The following MYO9A variants were observed in gnomAD, a reference collection of about 807,000 sequenced individuals.
MYO9A encodes myosin IXA.
A neutral mutation model predicts 293.3 loss-of-function variants in MYO9A; 103 were observed. That is an observed-to-expected ratio of 0.35 (90% confidence interval 0.30 to 0.41). The LOEUF (loss-of-function observed/expected upper bound fraction) is 0.41, where lower values mean the gene tolerates loss of function less well. Among genes scored for constraint, MYO9A ranks in the 10% least tolerant of loss-of-function variants. MYO9A has a pLI of 1.00. For missense variants in MYO9A, 2,685 were observed against 3,033.0 expected (o/e 0.89, Z 2.69); for synonymous variants, 1,001 against 1,035.7 (o/e 0.97, Z 0.64).
chr15:71,906,716 G>C (rs535792024), intron 19 of MYO9A, among the ~76,000 whole-genome samples: 7 of 135,702 alleles, frequency 5.2e-5, no homozygotes, highest in African/African-American at 1.6e-4. Flanking sequence ...ATAACATACA[G>C]TTAGGTCTTA....
chr15:71,920,919 G>A (rs1464118009), intron 18 of MYO9A, among the ~76,000 whole-genome samples: 1 of 152,166 alleles, frequency 6.6e-6, no homozygotes, highest in Non-Finnish European at 1.5e-5. Flanking sequence ...TCCAGCCTAG[G>A]TGACAGAGTG....
At chr15:71,907,640 C>G (rs1367212891) in intron 19 of MYO9A, among the ~76,000 whole-genome samples, 1 of 149,530 alleles carries the variant, frequency 6.7e-6, no homozygotes, top group Admixed American at 6.7e-5. Flanking sequence ...GCCATTCTAA[C>G]TGGTGTGAGA....
intron 8 of MYO9A, among the ~76,000 whole-genome samples, chr15:72,006,346 C>G (rs1033436594): frequency 6.6e-6 from 1 of 152,172 alleles, no homozygotes; most frequent in African/African-American, 2.4e-5. Flanking sequence ...AGCAACTCAC[C>G]TGCCTCAGCC....
chr15:72,114,941 A>G (rs1474320810), intron 1 of MYO9A, among the ~76,000 whole-genome samples: 1 of 152,216 alleles, frequency 6.6e-6, no homozygotes, highest in African/African-American at 2.4e-5. Flanking sequence ...AGACTGAACA[A>G]ACTTCCACAT....
Position 72,070,051 on chromosome 15 carries a change from C to G in MYO9A, c.-71-23417G>C, listed in dbSNP as rs2079139233. 3.3e-5 allele frequency among the ~76,000 whole-genome samples: 5 copies of G among 149,974 alleles called. No homozygotes were observed. In the South Asian group the frequency reaches 1.1e-3, roughly 32 times the overall value. Reference sequence around the variant, plus strand: ...GGCTGAGGCAGGGGAATCACTTGAACCCGGGAGGCAGAGGTTGCAGTGAGC... The same window carrying G: ...GGCTGAGGCAGGGGAATCACTTGAAGCCGGGAGGCAGAGGTTGCAGTGAGC... On this transcript the variant is annotated intron_variant, in intron 1 of 41. Coordinates refer to ENST00000356056, the MANE Select transcript of MYO9A (RefSeq NM_006901.4).
chr15:71,974,499 T>A (rs547595894), intron 12 of MYO9A, among the ~76,000 whole-genome samples: 8 of 152,312 alleles, frequency 5.3e-5, no homozygotes, highest in Admixed American at 5.2e-4. Flanking sequence ...CTATAATTTT[T>A]TTCTTCCCCA....
intron 6 of MYO9A, among the ~76,000 whole-genome samples, chr15:72,016,854 G>A (rs1001662796): frequency 6.6e-6 from 1 of 151,952 alleles, no homozygotes; most frequent in Non-Finnish European, 1.5e-5. Flanking sequence ...CATTCACTAT[G>A]CACTTACTAA....
At chr15:72,000,331 G>A (rs2076827813) in intron 8 of MYO9A, among the ~76,000 whole-genome samples, 1 of 152,168 alleles carries the variant, frequency 6.6e-6, no homozygotes, top group African/African-American at 2.4e-5. Context: ...TTATGTTTCA[G>A]ATATTTCTTC....
At chr15:72,030,954 G>A (rs1418286061) in intron 3 of MYO9A, among the ~76,000 whole-genome samples, 1 of 152,188 alleles carries the variant, frequency 6.6e-6, no homozygotes. Flanking sequence ...CGCAGCAGGA[G>A]GTAAGCGGCC....
chr15:71,847,273 G>A (rs2055428335), intron 39 of MYO9A: 1 of 308,980 alleles, frequency 3.2e-6, no homozygotes, highest in Admixed American at 2.9e-5. Flanking sequence ...GCAAGTGAAA[G>A]GTAATCAAAA....
intron 19 of MYO9A, among the ~76,000 whole-genome samples, chr15:71,910,812 G>A (rs1469160079): frequency 6.6e-6 from 1 of 151,968 alleles, no homozygotes; most frequent in African/African-American, 2.4e-5. Flanking sequence ...TGTCTATTAG[G>A]TTTTCTTCCT....
At chr15:71,864,309 T>A (rs1042652984) in intron 32 of MYO9A, among the ~76,000 whole-genome samples, 3 of 152,150 alleles carry the variant, frequency 2.0e-5, no homozygotes, top group Non-Finnish European at 4.4e-5. Context: ...AGAATGGCTA[T>A]AACAAAAAAG....
intron 2 of MYO9A, among the ~76,000 whole-genome samples, chr15:72,043,933 C>CT (rs3028362): frequency 7.8e-5 from 11 of 140,588 alleles, no homozygotes; most frequent in African/African-American, 2.9e-4. Context: ...ATTCCCTTTC[C>CT]TTTTTTTTTT....
chr15:72,085,608 G>A (rs2079694724), intron 1 of MYO9A, among the ~76,000 whole-genome samples: 1 of 152,092 alleles, frequency 6.6e-6, no homozygotes, highest in African/African-American at 2.4e-5. Flanking sequence ...TCCATTGTCT[G>A]AATTCTATTT....
intron 1 of MYO9A, among the ~76,000 whole-genome samples, chr15:72,075,804 TA>T (rs1208031806): frequency 5.0e-4 from 76 of 151,846 alleles, no homozygotes; most frequent in African/African-American, 1.7e-3. Context: ...TAAGAAATAC[TA>T]AAGTAATTTC....
chr15:71,996,156 A>G (rs976045194), intron 9 of MYO9A, among the ~76,000 whole-genome samples: 4 of 152,224 alleles, frequency 2.6e-5, no homozygotes, highest in African/African-American at 9.6e-5. Context: ...TTTCCCCAGA[A>G]AGAAAAGAAA....
At chr15:72,092,021 T>C (rs2079930224) in intron 1 of MYO9A, among the ~76,000 whole-genome samples, 1 of 152,150 alleles carries the variant, frequency 6.6e-6, no homozygotes, top group African/African-American at 2.4e-5. Flanking sequence ...CGGCGAAAAA[T>C]ATATATTCTT....
Position 72,118,082 on chromosome 15 carries a change from G to T in MYO9A, c.-474C>A. 1 of 393,616 alleles carries T rather than the reference G, an allele frequency of 2.5e-6. No individual in the cohort carries two copies. Among genetic ancestry groups the T allele is most frequent in the Non-Finnish European group, 4.5e-6 (1 of 222,874 alleles). 24.4% of individuals were successfully genotyped at this position (393,616 alleles called of 1,614,324 possible). ...CGTCCCTTATCCGCTTCGGTCGCGC[G>T]CCCCCGACCCCGCGCACGCGGCCCC... On this transcript the variant is annotated 5_prime_UTR_variant, in exon 1 of 42. Transcript: ENST00000356056.
intron 20 of MYO9A, 45 bp from the exon 21 acceptor site, chr15:71,904,084 A>C: frequency 4.2e-6 from 6 of 1,413,940 alleles, no homozygotes; most frequent in Non-Finnish European, 5.9e-6. Flanking sequence ...GTAGATCTCC[A>C]AATTAATTAT....
Sources: gnomAD v4.1 joint callset for allele counts (sites outside exome capture counted in the v4.1 genomes callset) on GRCh38, gnomAD v4.1.1 for gene constraint, MANE v1.5 for transcripts, NCBI Gene and HGNC (gene_info 2026-07-23, HGNC 2026-07-21) for gene names.